The following STAG1 variants were observed in gnomAD, a reference collection of about 807,000 sequenced individuals.
STAG1 encodes the protein STAG1 cohesin complex component.
STAG1 carries 26 observed loss-of-function variants against 170.9 expected under a neutral mutation model. That is an observed-to-expected ratio of 0.15 (90% CI 0.11 to 0.21). STAG1 has a LOEUF of 0.21. Ranked by LOEUF, STAG1 falls within the 10% of genes least tolerant of loss-of-function variation. The probability of loss-of-function intolerance (pLI) is 1.00; values close to 1 mark genes in which losing one functional copy is unlikely to be tolerated. For missense variants in STAG1, 964 were observed against 1,509.5 expected, an observed-to-expected ratio of 0.64 and a Z score of 5.99; for synonymous variants, 514 against 497.7, an observed-to-expected ratio of 1.03 and a Z score of -0.44.
intron 1 of STAG1, among the ~76,000 whole-genome samples, chr3:136,706,721 C>A (rs746824760): frequency 3.3e-5 from 5 of 152,152 alleles, no homozygotes; most frequent in Non-Finnish European, 7.3e-5. Flanking sequence ...AATCCTCAAA[C>A]TCATACAGAA....
At chr3:136,413,109 C>T (rs2087671985) in intron 21 of STAG1, among the ~76,000 whole-genome samples, 1 of 150,842 alleles carries the variant, frequency 6.6e-6, no homozygotes, top group Admixed American at 6.6e-5. Flanking sequence ...AGTGATCTAC[C>T]CACCTCGGTC....
intron 3 of STAG1, among the ~76,000 whole-genome samples, chr3:136,607,485 C>G (rs554076093): frequency 7.9e-5 from 12 of 152,262 alleles, no homozygotes; most frequent in Admixed American, 6.5e-4. Flanking sequence ...TCACTGCAAC[C>G]TCTGCCTCCT....
intron 1 of STAG1, among the ~76,000 whole-genome samples, chr3:136,711,946 T>C (rs770955748): frequency 6.6e-6 from 1 of 152,098 alleles, no homozygotes; most frequent in Non-Finnish European, 1.5e-5. Flanking sequence ...AGAAAAAAAA[T>C]TTTAAAACAG....
At chr3:136,399,624 T>C (rs958423769) in intron 21 of STAG1, among the ~76,000 whole-genome samples, 1 of 152,214 alleles carries the variant, frequency 6.6e-6, no homozygotes, top group Non-Finnish European at 1.5e-5. Context: ...TGATAAACTT[T>C]TACACTGCTT....
intron 1 of STAG1, among the ~76,000 whole-genome samples, chr3:136,660,811 A>C (rs1170085784): frequency 6.6e-6 from 1 of 152,238 alleles, no homozygotes; most frequent in South Asian, 2.1e-4. Context: ...CTAAAAAAAA[A>C]ATAAAAAATT....
intron 2 of STAG1, among the ~76,000 whole-genome samples, chr3:136,624,923 G>A (rs1940030517): frequency 6.6e-6 from 1 of 152,004 alleles, no homozygotes; most frequent in African/African-American, 2.4e-5. Flanking sequence ...AAATAATTAG[G>A]AAGTGATGAA....
At position 136,700,190 on chromosome 3, in the gene STAG1, T is replaced by A. The variant is rs115036596; in HGVS notation, c.-84+52005A>T. Among the ~76,000 whole-genome samples the A allele has an allele frequency of 7.4e-3, 1,090 of 146,948 alleles. 23 individuals carry two copies. Among genetic ancestry groups the A allele is most frequent in the African/African-American group, 0.025 (981 of 39,490 alleles). On this transcript the variant is annotated intron_variant, in intron 1 of 33. Transcript: ENST00000383202. ...CCCAAATTGTTTCTTTTTCTCTATCTAGGATGCTTTGCCTAGAATATGGTC... is the reference window on the plus strand; with the variant it reads ...CCCAAATTGTTTCTTTTTCTCTATCAAGGATGCTTTGCCTAGAATATGGTC...
At chr3:136,401,696 A>G (rs2087330171) in intron 21 of STAG1, among the ~76,000 whole-genome samples, 1 of 152,166 alleles carries the variant, frequency 6.6e-6, no homozygotes, top group Non-Finnish European at 1.5e-5. Flanking sequence ...ATTTTTGTAC[A>G]CAAAATGTTT....
At chr3:136,462,196 T>C (rs2089294057) in intron 13 of STAG1, among the ~76,000 whole-genome samples, 1 of 152,130 alleles carries the variant, frequency 6.6e-6, no homozygotes, top group Non-Finnish European at 1.5e-5. Context: ...CTGCTAAGTA[T>C]ATATCTACAA....
intron 6 of STAG1, among the ~76,000 whole-genome samples, chr3:136,523,703 T>C: frequency 6.6e-6 from 1 of 152,248 alleles, no homozygotes; most frequent in African/African-American, 2.4e-5. Flanking sequence ...GCCTAGGTTT[T>C]CTTCTAGAGT....
chr3:136,636,918 C>A (rs1940584041), intron 1 of STAG1, among the ~76,000 whole-genome samples: 1 of 152,150 alleles, frequency 6.6e-6, no homozygotes, highest in Non-Finnish European at 1.5e-5. Flanking sequence ...CACTCACATA[C>A]ATACCTAAAC....
intron 14 of STAG1, among the ~76,000 whole-genome samples, chr3:136,449,612 T>C (rs1193477479): frequency 6.6e-6 from 1 of 151,154 alleles, no homozygotes; most frequent in Non-Finnish European, 1.5e-5. Context: ...GGCAAATACA[T>C]TCTAATTCTG....
At chr3:136,556,522 T>C (rs777580235) in intron 5 of STAG1, among the ~76,000 whole-genome samples, 25 of 152,124 alleles carry the variant, frequency 1.6e-4, no homozygotes, top group Non-Finnish European at 3.1e-4. Flanking sequence ...AGATTCAATA[T>C]AATTCCATTT....
intron 23 of STAG1, among the ~76,000 whole-genome samples, chr3:136,376,376 C>T (rs1001180525): frequency 6.6e-6 from 1 of 152,082 alleles, no homozygotes; most frequent in Non-Finnish European, 1.5e-5. Flanking sequence ...CTTCCCTGGC[C>T]CACCCTGACC....
At chr3:136,497,283 A>T (rs1933158468) in intron 9 of STAG1, among the ~76,000 whole-genome samples, 1 of 152,216 alleles carries the variant, frequency 6.6e-6, no homozygotes, top group South Asian at 2.1e-4. Context: ...ATATTCATTA[A>T]AATAAAGTTA....
At chr3:136,466,611 T>C (rs1294774276) in intron 12 of STAG1, among the ~76,000 whole-genome samples, 1 of 152,106 alleles carries the variant, frequency 6.6e-6, no homozygotes, top group African/African-American at 2.4e-5. Flanking sequence ...TTCCCCAATC[T>C]AGCAAGGCAG....
chr3:136,532,109 AGATT>A (rs1055773902), intron 6 of STAG1, among the ~76,000 whole-genome samples: 2 of 152,164 alleles, frequency 1.3e-5, no homozygotes, highest in African/African-American at 4.8e-5. Context: ...ACCACTAGCT[AGATT>A]AACAAAGACC....
intron 4 of STAG1, among the ~76,000 whole-genome samples, chr3:136,582,462 T>A (rs1483299090): frequency 6.6e-6 from 1 of 152,184 alleles, no homozygotes; most frequent in Non-Finnish European, 1.5e-5. Context: ...CTTTGCTAGT[T>A]GCTAATGGTA....
At chr3:136,676,835 TTTAAG>T (rs756828567) in intron 1 of STAG1, among the ~76,000 whole-genome samples, 1 of 152,270 alleles carries the variant, frequency 6.6e-6, no homozygotes, top group Admixed American at 6.5e-5. Flanking sequence ...TTAAACTTTT[TTTAAG>T]TTAAGTTATA....
Sources: gnomAD v4.1 joint callset for allele counts (sites outside exome capture counted in the v4.1 genomes callset) on GRCh38, gnomAD v4.1.1 for gene constraint, MANE v1.5 for transcripts, NCBI Gene and HGNC (gene_info 2026-07-23, HGNC 2026-07-21) for gene names.